Variants in USP12 observed in about 807,000 individuals in gnomAD.
USP12 encodes ubiquitin carboxyl-terminal hydrolase 12.
USP12 carries 19 observed loss-of-function variants against 45.5 expected under a neutral mutation model. That is an observed-to-expected ratio of 0.42 (90% confidence interval 0.29 to 0.61). USP12 has a LOEUF of 0.61. Among genes scored for constraint, USP12 ranks in the 20% least tolerant of loss-of-function variants. USP12 has a pLI of 0.22. For missense variants in USP12, 242 were observed against 447.7 expected (o/e 0.54, Z 4.15); for synonymous variants, 149 against 148.8 (o/e 1.00, Z -0.01).
chr13:27,157,269 G>A (rs934289883), intron 1 of USP12, among the ~76,000 whole-genome samples: 4 of 151,940 alleles, frequency 2.6e-5, no homozygotes, highest in African/African-American at 7.2e-5. Flanking sequence ...TGCTTGATAA[G>A]TTTTACATAC....
intron 6 of USP12, among the ~76,000 whole-genome samples, chr13:27,089,004 G>A (rs547676782): frequency 6.7e-6 from 1 of 150,086 alleles, no homozygotes; most frequent in East Asian, 2.0e-4. Context: ...ACAGGAAAAC[G>A]AGACAAACTC....
intron 4 of USP12, among the ~76,000 whole-genome samples, chr13:27,092,850 G>A (rs1874380476): frequency 6.6e-6 from 1 of 152,076 alleles, no homozygotes; most frequent in South Asian, 2.1e-4. Flanking sequence ...ATGCATGAAA[G>A]AAAAAGTTGG....
At chr13:27,166,993 T>A (rs7318227) in intron 1 of USP12, among the ~76,000 whole-genome samples, 85,872 of 151,970 alleles carry the variant, frequency 0.57, 24,836 homozygotes, top group East Asian at 0.86. Context: ...CATTCGTGGG[T>A]AAACAGTGTA....
intron 6 of USP12, among the ~76,000 whole-genome samples, chr13:27,082,905 G>A (rs1007387971): frequency 5.3e-5 from 8 of 152,146 alleles, no homozygotes; most frequent in South Asian, 2.1e-4. Flanking sequence ...GCGTGATCTC[G>A]GCTCACCGCA....
chr13:27,160,216 C>G (rs1399753118), intron 1 of USP12, among the ~76,000 whole-genome samples: 3 of 152,156 alleles, frequency 2.0e-5, no homozygotes, highest in Non-Finnish European at 4.4e-5. Context: ...AACATAATGT[C>G]TCCAACTAAG....
At chr13:27,113,564 T>C (rs1442818656) in intron 2 of USP12, among the ~76,000 whole-genome samples, 1 of 152,226 alleles carries the variant, frequency 6.6e-6, no homozygotes, top group African/African-American at 2.4e-5. Flanking sequence ...CATCTTTTCA[T>C]ACTCCAATGG....
chr13:27,086,505 G>C (rs141102299), intron 6 of USP12, among the ~76,000 whole-genome samples: 1 of 151,494 alleles, frequency 6.6e-6, no homozygotes, highest in African/African-American at 2.4e-5. Flanking sequence ...AGTGATTCTC[G>C]ATTTACATTT....
Position 27,171,765 on chromosome 13 carries a change from G to T in USP12, c.-126C>A. The T allele has an allele frequency of 2.5e-6, 1 of 402,644 alleles. No individual in the cohort carries two copies. The highest frequency in any genetic ancestry group is 3.4e-6 in the Non-Finnish European group (1 of 292,560). 24.9% of individuals were successfully genotyped at this position (402,644 alleles called of 1,614,324 possible). A position where few individuals can be genotyped will look rare whatever the true frequency, so the allele number is the denominator to read the frequency against. ...GAGCCGCCGCGGACCCAACCACCGAGCCCGCTGGGCCGCCGCTGCCGTCGT... is the reference window on the plus strand; with the variant it reads ...GAGCCGCCGCGGACCCAACCACCGATCCCGCTGGGCCGCCGCTGCCGTCGT... On this transcript the variant is annotated 5_prime_UTR_variant, in exon 1 of 9. Transcript: ENST00000282344.
At chr13:27,127,933 G>A (rs1323235696) in intron 1 of USP12, among the ~76,000 whole-genome samples, 1 of 152,170 alleles carries the variant, frequency 6.6e-6, no homozygotes, top group Non-Finnish European at 1.5e-5. Flanking sequence ...CAACAGGCAT[G>A]TAATTTTAAC....
chr13:27,128,663 A>T (rs369068393), intron 1 of USP12, among the ~76,000 whole-genome samples: 1 of 152,196 alleles, frequency 6.6e-6, no homozygotes, highest in Non-Finnish European at 1.5e-5. Flanking sequence ...GATAATTTCT[A>T]TATCTATTCC....
At chr13:27,127,185 T>C (rs926633602) in intron 1 of USP12, among the ~76,000 whole-genome samples, 1 of 152,240 alleles carries the variant, frequency 6.6e-6, no homozygotes, top group Non-Finnish European at 1.5e-5. Context: ...ATCTCATAGT[T>C]TTTAACTATC....
intron 1 of USP12, among the ~76,000 whole-genome samples, chr13:27,165,643 A>T (rs987652973): frequency 1.3e-5 from 2 of 152,180 alleles, no homozygotes; most frequent in African/African-American, 4.8e-5. Flanking sequence ...AACTAAAGAA[A>T]TAAACATGGA....
chr13:27,139,526 G>A (rs1876958123), intron 1 of USP12, among the ~76,000 whole-genome samples: 1 of 152,194 alleles, frequency 6.6e-6, no homozygotes, highest in Non-Finnish European at 1.5e-5. Context: ...TAAGGCAGGA[G>A]AATCGCTTGA....
chr13:27,113,781 T>C (rs1019054392), intron 2 of USP12, among the ~76,000 whole-genome samples: 8 of 152,104 alleles, frequency 5.3e-5, no homozygotes, highest in African/African-American at 1.9e-4. Context: ...TTTTCTGGAC[T>C]CTCCAACAAT....
intron 3 of USP12, among the ~76,000 whole-genome samples, chr13:27,102,217 G>C (rs73497375): frequency 1.3e-5 from 2 of 152,126 alleles, no homozygotes; most frequent in African/African-American, 4.8e-5. Flanking sequence ...CCAGTTGAGG[G>C]TCAACTCTAG....
intron 1 of USP12, among the ~76,000 whole-genome samples, chr13:27,119,697 AG>A (rs761179590): frequency 1.3e-5 from 2 of 152,244 alleles, no homozygotes; most frequent in Non-Finnish European, 2.9e-5. Flanking sequence ...ACAAAACTCC[AG>A]GGAAGTCTAA....
chr13:27,142,105 G>A (rs900534183), intron 1 of USP12, among the ~76,000 whole-genome samples: 5 of 152,186 alleles, frequency 3.3e-5, no homozygotes, highest in African/African-American at 4.8e-5. Flanking sequence ...CTGGGTGACA[G>A]AGCGAGACTC....
intron 3 of USP12, among the ~76,000 whole-genome samples, chr13:27,103,014 G>A (rs1320299852): frequency 1.3e-5 from 2 of 152,194 alleles, no homozygotes; most frequent in Non-Finnish European, 2.9e-5. Context: ...AGTTAAAACT[G>A]TAAAAACAAA....
In USP12 at chr13:27,068,412, T is replaced by C. The variant is rs1012428289; in HGVS notation, c.*871A>G. 3 of 152,602 alleles carry C rather than the reference T, an allele frequency of 2.0e-5. No homozygotes were observed. Among genetic ancestry groups the C allele is most frequent in the African/African-American group, 7.2e-5 (3 of 41,460 alleles). 9.5% of individuals were successfully genotyped at this position (152,602 alleles called of 1,614,324 possible). ...GATATCAGTTCCTCCTGAAAAAGGA[T>C]ATTTATCTCCTCTCACTGCAGTTTT... On this transcript the variant is annotated 3_prime_UTR_variant, in exon 9 of 9. Transcript: ENST00000282344.
Sources: gnomAD v4.1 joint callset for allele counts (sites outside exome capture counted in the v4.1 genomes callset) on GRCh38, gnomAD v4.1.1 for gene constraint, MANE v1.5 for transcripts, NCBI Gene and HGNC (gene_info 2026-07-23, HGNC 2026-07-21) for gene names.